Variants in TAP1 observed in about 807,000 individuals in gnomAD.
TAP1 encodes transporter 1, ATP binding cassette subfamily B member.
In TAP1, 56 loss-of-function variants were observed where a neutral mutation model predicts 79.3. The observed-to-expected ratio is 0.71, with a 90% CI of 0.57 to 0.88. TAP1 has a LOEUF of 0.88. TAP1 is among the 40% of genes least tolerant of loss of function. TAP1 has a pLI of 0.00. For synonymous variants in TAP1, 355 were observed against 401.4 expected (o/e 0.88, Z 1.38); for missense variants, 737 against 936.3 (o/e 0.79, Z 2.78).
At chr6:32,849,607 C>A in intron 5 of TAP1, 1 of 192,306 alleles carries the variant, frequency 5.2e-6, no homozygotes, top group South Asian at 8.4e-5. Flanking sequence ...AAAAATTAGC[C>A]GGGCGTGGTG....
chr6:32,845,337 G>C lies in TAP1; in HGVS notation c.*242C>G. 1 of 608,490 alleles carries C rather than the reference G, an allele frequency of 1.6e-6. No individual in the cohort carries two copies. Among genetic ancestry groups the C allele is most frequent in the Non-Finnish European group, 2.9e-6 (1 of 341,886 alleles). The allele number at this position is 608,490 out of a possible 1,614,324, so 37.7% of individuals were successfully genotyped here. On this transcript the variant is annotated 3_prime_UTR_variant, in exon 11 of 11. Transcript: ENST00000354258. This position sits in a 1 kb window ranked among gnomAD's most constrained non-coding sequence, Gnocchi z 4.5. ...ATTCTGAACATTTCTCAGTTTCAGAGTGCTGGCCACACCAAAGCATCAGCC... is the reference window on the plus strand; with the variant it reads ...ATTCTGAACATTTCTCAGTTTCAGACTGCTGGCCACACCAAAGCATCAGCC...
At chr6:32,849,365 A>G in intron 5 of TAP1, 1 of 592,814 alleles carries the variant, frequency 1.7e-6, no homozygotes, top group Non-Finnish European at 3.0e-6. Flanking sequence ...TTTACTCTTC[A>G]CAAAAGGCTT....
In TAP1 at chr6:32,852,903, TC is replaced by T; in HGVS notation, c.598+135del. On this transcript the variant is annotated intron_variant, in intron 1 of 10. Transcript: ENST00000354258. The surrounding 1 kb of genome is among the most constrained non-coding windows in gnomAD (Gnocchi z 4.8). Reference sequence around the variant, plus strand: ...CGTTTCTTCTACACCGAAGTGGTGTTCCAAGACCCACGCTAGGAGTCCTTCT... The same window carrying T: ...CGTTTCTTCTACACCGAAGTGGTGTTCAAGACCCACGCTAGGAGTCCTTCT... 1 of 1,464,272 alleles carries T rather than the reference TC, an allele frequency of 6.8e-7. No homozygotes were observed. The allele number at this position is 1,464,272 out of a possible 1,614,324, so 90.7% of individuals were successfully genotyped here. A position where few individuals can be genotyped will look rare whatever the true frequency, so the allele number is the denominator to read the frequency against.
chr6:32,849,008 C>T lies in TAP1; in HGVS notation c.1359G>A (p.Gln453=). 1 of 1,611,648 alleles carries T rather than the reference C, an allele frequency of 6.2e-7. No homozygotes were observed. Among genetic ancestry groups the T allele is most frequent in the Non-Finnish European group, 8.5e-7 (1 of 1,179,268 alleles). The part of the protein sequence containing the change: ...NLVTFVLYQM[Q]FTQAVEVLLS... ...ACCTCACCTCCACAGCCTGGGTGAA[C>T]TGCATCTGGTAGAGAACAAATGTGA... The change falls in exon 6 of 11, where the codon CAG becomes CAA. Residue 453 remains glutamine (Q), a synonymous_variant. Coordinates refer to ENST00000354258, the MANE Select transcript of TAP1 (RefSeq NM_000593.6).
chr6:32,850,012 T>C lies in TAP1; in HGVS notation c.1248+308A>G. On this transcript the variant is annotated intron_variant, in intron 5 of 10. Coordinates refer to ENST00000354258, the MANE Select transcript of TAP1 (RefSeq NM_000593.6). The surrounding 1 kb of genome is among the most constrained non-coding windows in gnomAD (Gnocchi z 5.5). The stretch of plus-strand genomic sequence containing the variant: ...CATGAAGCAGTCCCAGGTGCAAGAA[T>C]TTATGGCGCCCTGCACTTCCCCTGA... 2.0e-6 allele frequency: 1 copy of C among 496,478 alleles called. No individual in the cohort carries two copies. The highest frequency in any genetic ancestry group is 3.7e-6 in the Non-Finnish European group (1 of 272,528). 30.8% of individuals were successfully genotyped at this position (496,478 alleles called of 1,614,324 possible). A position where few individuals can be genotyped will look rare whatever the true frequency, so the allele number is the denominator to read the frequency against.
At position 32,845,240 on chromosome 6, in the gene TAP1, G is replaced by A; in HGVS notation, c.*339C>T. On this transcript the variant is annotated 3_prime_UTR_variant, in exon 11 of 11. Transcript: ENST00000354258. The surrounding 1 kb of genome is among the most constrained non-coding windows in gnomAD (Gnocchi z 4.5). Reference sequence around the variant, plus strand: ...ACACCAATTTTATTATAAATATCAAGAACCTACAGGGTGTTTATGGGCCAG... The same window carrying A: ...ACACCAATTTTATTATAAATATCAAAAACCTACAGGGTGTTTATGGGCCAG... 1 of 427,986 alleles carries A rather than the reference G, an allele frequency of 2.3e-6. No individual in the cohort carries two copies. Among genetic ancestry groups the A allele is most frequent in the South Asian group, 2.5e-5 (1 of 39,480 alleles). 26.5% of individuals were successfully genotyped at this position (427,986 alleles called of 1,614,324 possible). A position where few individuals can be genotyped will look rare whatever the true frequency, so the allele number is the denominator to read the frequency against.
In TAP1 at chr6:32,845,369, C is replaced by G. The variant is rs956532701; in HGVS notation, c.*210G>C. On this transcript the variant is annotated 3_prime_UTR_variant, in exon 11 of 11. Coordinates refer to ENST00000354258, the MANE Select transcript of TAP1 (RefSeq NM_000593.6). The surrounding 1 kb of genome is among the most constrained non-coding windows in gnomAD (Gnocchi z 4.5). The stretch of plus-strand genomic sequence containing the variant: ...CCACACCAAAGCATCAGCCCTGGCT[C>G]TAAACTCCGTTACAGTAAGGAATTA... The G allele has an allele frequency of 1.6e-6, 1 of 639,196 alleles. No homozygotes were observed. The allele number at this position is 639,196 out of a possible 1,614,324, so 39.6% of individuals were successfully genotyped here.
Position 32,852,886 on chromosome 6 carries a change from C to T in TAP1, c.598+153G>A. 1 of 1,447,392 alleles carries T rather than the reference C, an allele frequency of 6.9e-7. No homozygotes were observed. The highest frequency in any genetic ancestry group is 1.4e-5 in the African/African-American group (1 of 70,388). 89.7% of individuals were successfully genotyped at this position (1,447,392 alleles called of 1,614,324 possible). On this transcript the variant is annotated intron_variant, in intron 1 of 10. Transcript: ENST00000354258. The surrounding 1 kb of genome is among the most constrained non-coding windows in gnomAD (Gnocchi z 4.8). Reference sequence around the variant, plus strand: ...CCCCGCCAGTCCAGTGCCGTTTCTTCTACACCGAAGTGGTGTTCCAAGACC... The same window carrying T: ...CCCCGCCAGTCCAGTGCCGTTTCTTTTACACCGAAGTGGTGTTCCAAGACC...
Position 32,850,118 on chromosome 6 carries a change from A to C in TAP1, c.1248+202T>G. 3.0e-6 allele frequency: 2 copies of C among 661,520 alleles called. No homozygotes were observed. The highest frequency in any genetic ancestry group is 5.4e-6 in the Non-Finnish European group (2 of 367,624). The allele number at this position is 661,520 out of a possible 1,614,324, so 41.0% of individuals were successfully genotyped here. On this transcript the variant is annotated intron_variant, in intron 5 of 10. Coordinates refer to ENST00000354258, the MANE Select transcript of TAP1 (RefSeq NM_000593.6). The surrounding 1 kb of genome is among the most constrained non-coding windows in gnomAD (Gnocchi z 5.5). ...TGGGTGGATTTTATGTACCATACTG[A>C]AAGGAAGCCACCTAGCATCTTTAAA... is the stretch of plus-strand genomic sequence containing the variant.
chr6:32,853,594 G>T lies in TAP1; in HGVS notation c.43C>A (p.Leu15Ile). ...RCPAPRGCRC[L>I]PGASLAWLGT... ...AGCCATGCGAGAGAAGCTCCGGGGA[G>T]GCAGCGGCACCCGCGGGGAGCGGGA... The change falls in exon 1 of 11, where the codon CTC becomes ATC. Residue 15 changes from leucine (L) to isoleucine (I), a missense_variant. By Grantham distance (5) the Leu-to-Ile change is conservative (BLOSUM62 2). Coordinates refer to ENST00000354258, the MANE Select transcript of TAP1 (RefSeq NM_000593.6). This position sits in a 1 kb window ranked among gnomAD's most constrained non-coding sequence, Gnocchi z 8.3. 1 of 1,612,602 alleles carries T rather than the reference G, an allele frequency of 6.2e-7. No individual in the cohort carries two copies.
Position 32,853,414 on chromosome 6 carries a change from C to A in TAP1, c.223G>T (p.Val75Phe). ...TTGGAGCCAACCGTTGCCCTGAGGACCCCGCAGGCCCCCAGCCAGAGCACG... is the reference window on the plus strand; with the variant it reads ...TTGGAGCCAACCGTTGCCCTGAGGAACCCGCAGGCCCCCAGCCAGAGCACG... ...WAVLWLGACG[V>F]LRATVGSKSE... Residue 75 changes from valine (V) to phenylalanine (F), a missense_variant, in exon 1 of 11, where the codon GTC (valine) becomes TTC (phenylalanine). Transcript: ENST00000354258. The surrounding 1 kb of genome is among the most constrained non-coding windows in gnomAD (Gnocchi z 8.3). The A allele has an allele frequency of 1.2e-6, 2 of 1,610,726 alleles. No homozygotes were observed. The highest frequency in any genetic ancestry group is 1.7e-6 in the Non-Finnish European group (2 of 1,179,036).
chr6:32,851,069 A>G lies in TAP1; in HGVS notation c.925T>C (p.Tyr309His), dbSNP rs1770753257. 2 of 1,612,952 alleles carry G rather than the reference A, an allele frequency of 1.2e-6. No homozygotes were observed. The highest frequency in any genetic ancestry group is 2.7e-5 in the African/African-American group (2 of 74,920). ...LSENLSLFLW[Y>H]LVRGLCLLGI... ...AAGAGACATAGGCCTCGCACCAGGT[A>G]CCACAGAAATAAGCTCAGATTCTCA... The change falls in exon 4 of 11, where the codon TAC becomes CAC. Residue 309 changes from tyrosine to histidine, a missense_variant. Tyr to His is a moderately conservative substitution (Grantham distance 83, BLOSUM62 2). Around this residue, in one of 5 missense-constraint regions of TAP1, gnomAD observed 406 missense variants for 477.2 expected, o/e 0.85. Coordinates refer to ENST00000354258, the MANE Select transcript of TAP1 (RefSeq NM_000593.6). This position sits in a 1 kb window ranked among gnomAD's most constrained non-coding sequence, Gnocchi z 4.8.
In TAP1 at chr6:32,848,679, T is replaced by G; in HGVS notation, c.1539A>C (p.Pro513=). 6.2e-7 allele frequency: 1 copy of G among 1,614,080 alleles called. No individual in the cohort carries two copies. Among genetic ancestry groups the G allele is most frequent in the Admixed American group, 1.7e-5 (1 of 60,018 alleles). Residue 513 remains proline (P), a synonymous_variant, in exon 7 of 11, where the codon CCA becomes CCC. Transcript: ENST00000354258. ...VQFQDVSFAY[P]NRPDVLVLQG... ...GTAGCACTAAGACATCTGGGCGGTT[T>G]GGGTAGGCAAAGGAGACATCTTGGA... is the stretch of plus-strand genomic sequence containing the variant.
Position 32,853,544 on chromosome 6 carries a change from G to C in TAP1, c.93C>G (p.Ala31=). The C allele has an allele frequency of 1.9e-6, 3 of 1,610,504 alleles. No individual in the cohort carries two copies. The highest frequency in any genetic ancestry group is 2.5e-6 in the Non-Finnish European group (3 of 1,178,142). The change falls in exon 1 of 11, where the codon GCC becomes GCG. Residue 31 remains alanine (A), a synonymous_variant. Coordinates refer to ENST00000354258, the MANE Select transcript of TAP1 (RefSeq NM_000593.6). This position sits in a 1 kb window ranked among gnomAD's most constrained non-coding sequence, Gnocchi z 8.3. ...GCGCGGTCCGGAGCAGCACCCAGTC[G>C]GCGAGAAGTAGCAGTACTGTCCCCA... is the stretch of plus-strand genomic sequence containing the variant. ...AWLGTVLLLL[A]DWVLLRTALP...
Position 32,847,381 on chromosome 6 carries a change from G to A in TAP1, c.1903+132C>T. 6.7e-7 allele frequency: 1 copy of A among 1,498,762 alleles called. No homozygotes were observed. The highest frequency in any genetic ancestry group is 9.2e-7 in the Non-Finnish European group (1 of 1,081,836). The allele number at this position is 1,498,762 out of a possible 1,614,324, so 92.8% of individuals were successfully genotyped here. On this transcript the variant is annotated intron_variant, in intron 9 of 10. Coordinates refer to ENST00000354258, the MANE Select transcript of TAP1 (RefSeq NM_000593.6). This position sits in a 1 kb window ranked among gnomAD's most constrained non-coding sequence, Gnocchi z 4.7. Reference sequence around the variant, plus strand: ...ATCCTGAGGATGTCAGGATGAAGAAGCCATAGGAGCATGATCTTACAACTT... The same window carrying A: ...ATCCTGAGGATGTCAGGATGAAGAAACCATAGGAGCATGATCTTACAACTT...
In TAP1 at chr6:32,852,125, G is replaced by A; in HGVS notation, c.828C>T (p.Phe276=). Residue 276 remains phenylalanine, a synonymous_variant, in exon 3 of 11, where the codon TTC becomes TTT. Coordinates refer to ENST00000354258, the MANE Select transcript of TAP1 (RefSeq NM_000593.6). This position sits in a 1 kb window ranked among gnomAD's most constrained non-coding sequence, Gnocchi z 4.8. ...AGGAGAAACCTGTCTGGTTCTGTTG[G>A]AAAAACTCCGTCTCCTGGCGCAGGA... ...GAVLRQETEF[F]QQNQTGNIMS... 6.2e-7 allele frequency: 1 copy of A among 1,613,000 alleles called. No homozygotes were observed. Among genetic ancestry groups the A allele is most frequent in the Non-Finnish European group, 8.5e-7 (1 of 1,180,018 alleles).
chr6:32,847,335 G>C lies in TAP1; in HGVS notation c.1904-131C>G. ...CTGACGGTTGTAGCTGGATAGGGGA[G>C]ATTCTGGGAAGATGAACAGAATCCT... is the stretch of plus-strand genomic sequence containing the variant. On this transcript the variant is annotated intron_variant, in intron 9 of 10. Transcript: ENST00000354258. This position sits in a 1 kb window ranked among gnomAD's most constrained non-coding sequence, Gnocchi z 4.7. 1.3e-6 allele frequency: 2 copies of C among 1,510,686 alleles called. No homozygotes were observed. The highest frequency in any genetic ancestry group is 1.8e-6 in the Non-Finnish European group (2 of 1,101,788). 93.6% of individuals were successfully genotyped at this position (1,510,686 alleles called of 1,614,324 possible). A position where few individuals can be genotyped will look rare whatever the true frequency, so the allele number is the denominator to read the frequency against.
Position 32,847,984 on chromosome 6 carries a change from C to G in TAP1, c.1675G>C (p.Gly559Arg). ...ALLQNLYQPT[G>R]GQLLLDGKPL... ...TTCCCATCCAACAGCAGCTGTCCCC[C>G]GGTGGGCTGGTACAGATTCTGCAGC... The change falls in exon 8 of 11, where the codon GGG (glycine) becomes CGG (arginine). Residue 559 changes from glycine to arginine, a missense_variant. This residue lies in a region of TAP1 where 266 missense variants were observed against 332.4 expected (regional missense o/e 0.80). Coordinates refer to ENST00000354258, the MANE Select transcript of TAP1 (RefSeq NM_000593.6). The surrounding 1 kb of genome is among the most constrained non-coding windows in gnomAD (Gnocchi z 4.7). The G allele has an allele frequency of 6.2e-7, 1 of 1,613,106 alleles. No individual in the cohort carries two copies. The highest frequency in any genetic ancestry group is 8.5e-7 in the Non-Finnish European group (1 of 1,180,030).
At position 32,847,367 on chromosome 6, in the gene TAP1, G is replaced by T. The variant is rs1042489208; in HGVS notation, c.1903+146C>A. 1.8e-5 allele frequency: 27 copies of T among 1,470,390 alleles called. No homozygotes were observed. Among genetic ancestry groups the T allele is most frequent in the Non-Finnish European group, 2.5e-5 (27 of 1,059,894 alleles). 91.1% of individuals were successfully genotyped at this position (1,470,390 alleles called of 1,614,324 possible). On this transcript the variant is annotated intron_variant, in intron 9 of 10. Transcript: ENST00000354258. The surrounding 1 kb of genome is among the most constrained non-coding windows in gnomAD (Gnocchi z 4.7). ...GGAAGATGAACAGAATCCTGAGGAT[G>T]TCAGGATGAAGAAGCCATAGGAGCA...
Sources: gnomAD v4.1 joint callset for allele counts on GRCh38, gnomAD v4.1.1 for gene constraint, gnomAD v4.1.1 regional missense constraint, Gnocchi (gnomAD v3.1) non-coding constraint, MANE v1.5 for transcripts, NCBI Gene and HGNC (gene_info 2026-07-23, HGNC 2026-07-21) for gene names.